The following CERS1 variants were observed in gnomAD, a reference collection of about 807,000 sequenced individuals.
CERS1 encodes the protein ceramide synthase 1, also known as Embryonic growth/differentiation factor 1.
Under a neutral mutation model 35.7 loss-of-function variants are expected in CERS1, and 16 were observed. The ratio of observed to expected loss-of-function variants is 0.45; its 90% CI spans 0.30 to 0.68. The LOEUF (loss-of-function observed/expected upper bound fraction) is 0.68, where lower values mean the gene tolerates loss of function less well. CERS1 is among the 30% of genes least tolerant of loss of function. The pLI is 0.08. For synonymous variants in CERS1, 243 were observed against 201.6 expected, an observed-to-expected ratio of 1.21 and a Z score of -1.74; for missense variants, 454 against 453.9, an observed-to-expected ratio of 1.00 and a Z score of 0.00.
chr19:18,877,063 CTGTT>C (rs1249556468), intron 6 of CERS1, among the ~76,000 whole-genome samples: 2 of 152,232 alleles, frequency 1.3e-5, no homozygotes, highest in Non-Finnish European at 1.5e-5. Context: ...TCGTCCCATC[CTGTT>C]TTATACCCAA....
In CERS1 at chr19:18,878,124, G is replaced by A. The variant is rs183051735; in HGVS notation, c.1010+806C>T. 4 of 985,442 alleles carry A rather than the reference G, an allele frequency of 4.1e-6. No individual in the cohort carries two copies. Among genetic ancestry groups the A allele is most frequent in the Non-Finnish European group, 1.2e-6 (1 of 829,992 alleles). The allele number at this position is 985,442 out of a possible 1,614,324, so 61.0% of individuals were successfully genotyped here. A position where few individuals can be genotyped will look rare whatever the true frequency, so the allele number is the denominator to read the frequency against. On this transcript the variant is annotated intron_variant, in intron 6 of 7. Transcript: ENST00000623882. This position sits in a 1 kb window ranked among gnomAD's most constrained non-coding sequence, Gnocchi z 4.6. ...CTGAAACCATCGTTCCCACGTCACC[G>A]ATGGCCCCCACCGGCCAAATCAGAG...
At chr19:18,890,242 C>T (rs1433444635) in intron 2 of CERS1, among the ~76,000 whole-genome samples, 3 of 152,220 alleles carry the variant, frequency 2.0e-5, no homozygotes, top group Non-Finnish European at 4.4e-5. Flanking sequence ...CTAAAAACTG[C>T]CCCTCCCCAC....
At chr19:18,869,945 C>A (rs1442090666) in intron 7 of CERS1, 38 bp downstream of exon 7, 2 of 1,546,978 alleles carry the variant, frequency 1.3e-6, no homozygotes, top group Non-Finnish European at 1.7e-6. Flanking sequence ...CGAGGTCTGG[C>A]CTCCAGGACC....
chr19:18,869,487 C>T (rs1393460851), intron 7 of CERS1, 97 bp from the exon 8 acceptor site: 14 of 1,224,178 alleles, frequency 1.1e-5, no homozygotes, highest in South Asian at 2.8e-5. Flanking sequence ...CGCTGGGGCT[C>T]GGGGCGCACC....
At chr19:18,887,960 A>G (rs1003623900) in intron 2 of CERS1, among the ~76,000 whole-genome samples, 17 of 151,708 alleles carry the variant, frequency 1.1e-4, no homozygotes, top group Admixed American at 5.3e-4. Context: ...TTCTGTCTCT[A>G]TGAGTGGGAT....
At chr19:18,893,672 G>A (rs975093904) in intron 1 of CERS1, 97 bp from the exon 2 acceptor site, 17 of 1,258,238 alleles carry the variant, frequency 1.4e-5, no homozygotes, top group African/African-American at 7.4e-5. Context: ...TCCCCAGGCC[G>A]GGCAGCACTG....
chr19:18,888,346 G>A (rs570723135), intron 2 of CERS1, among the ~76,000 whole-genome samples: 362 of 151,288 alleles, frequency 2.4e-3, no homozygotes, highest in African/African-American at 8.2e-3. Flanking sequence ...GTGACAGAGC[G>A]AGACTCCATC....
chr19:18,893,606 T>C, intron 1 of CERS1, 31 bp from the exon 2 acceptor site: 13 of 1,587,216 alleles, frequency 8.2e-6, no homozygotes, highest in Non-Finnish European at 1.1e-5. Flanking sequence ...GGGCAGCCAT[T>C]GGTGCTGGGG....
chr19:18,894,127 G>A (rs1463230198), intron 1 of CERS1, among the ~76,000 whole-genome samples: 1 of 151,808 alleles, frequency 6.6e-6, no homozygotes, highest in Non-Finnish European at 1.5e-5. Flanking sequence ...GGGAGGAGGG[G>A]CTGGAGGCAG....
At chr19:18,875,234 TAAA>T (rs869211539) in intron 6 of CERS1, among the ~76,000 whole-genome samples, 10 of 122,222 alleles carry the variant, frequency 8.2e-5, no homozygotes, top group Non-Finnish European at 1.0e-4. Flanking sequence ...GGACCGTCTC[TAAA>T]AAAAAAAAAA....
At chr19:18,877,151 G>A (rs1601158334) in intron 6 of CERS1, among the ~76,000 whole-genome samples, 2 of 152,222 alleles carry the variant, frequency 1.3e-5, no homozygotes, top group Admixed American at 6.5e-5. Flanking sequence ...ATCACAGGGT[G>A]TTCCCTGATA....
rs1447213638 is a variant in CERS1 at position 18,895,830 on chromosome 19, G to A, written c.243C>T (p.Leu81=). 2 of 1,286,632 alleles carry A rather than the reference G, an allele frequency of 1.6e-6. No individual in the cohort carries two copies. The highest frequency in any genetic ancestry group is 1.6e-5 in the African/African-American group (1 of 62,534). The allele number at this position is 1,286,632 out of a possible 1,614,324, so 79.7% of individuals were successfully genotyped here. A position where few individuals can be genotyped will look rare whatever the true frequency, so the allele number is the denominator to read the frequency against. Residue 81 remains leucine, a synonymous_variant, in exon 1 of 8, where the codon CTC becomes CTT. Coordinates refer to ENST00000623882, the MANE Select transcript of CERS1 (RefSeq NM_021267.5). The surrounding 1 kb of genome is among the most constrained non-coding windows in gnomAD (Gnocchi z 6.4). The stretch of plus-strand genomic sequence containing the variant: ...GGCCCCCGGCCACACTGACCCGAAA[G>A]AGGCGCGCAGTGGCCGCGGAGCGCA... ...TALRSAATAR[L]FRPLAKRCCL... is the part of the protein sequence containing the mutation.
At chr19:18,869,908 C>G in intron 7 of CERS1, 75 bp downstream of exon 7, 1 of 1,441,756 alleles carries the variant, frequency 6.9e-7, no homozygotes, top group Non-Finnish European at 9.5e-7. Context: ...CTCGGGCATC[C>G]CCGGGCCACT....
rs981081884 is a variant in CERS1 at position 18,878,222 on chromosome 19, G to A, written c.1010+708C>T. 169 of 985,384 alleles carry A rather than the reference G, an allele frequency of 1.7e-4. No homozygotes were observed. Among genetic ancestry groups the A allele is most frequent in the Non-Finnish European group, 1.3e-4 (107 of 830,150 alleles). The allele number at this position is 985,384 out of a possible 1,614,324, so 61.0% of individuals were successfully genotyped here. A position where few individuals can be genotyped will look rare whatever the true frequency, so the allele number is the denominator to read the frequency against. On this transcript the variant is annotated intron_variant, in intron 6 of 7. Coordinates refer to ENST00000623882, the MANE Select transcript of CERS1 (RefSeq NM_021267.5). This position sits in a 1 kb window ranked among gnomAD's most constrained non-coding sequence, Gnocchi z 4.6. Reference sequence around the variant, plus strand: ...CGGCTCCTGCTCAAACACTCCTCACGTTGCCTATGAGACACTGCACACCCG... The same window carrying A: ...CGGCTCCTGCTCAAACACTCCTCACATTGCCTATGAGACACTGCACACCCG...
At chr19:18,894,715 T>C (rs2056583179) in intron 1 of CERS1, among the ~76,000 whole-genome samples, 1 of 151,896 alleles carries the variant, frequency 6.6e-6, no homozygotes, top group Non-Finnish European at 1.5e-5. Context: ...CCTCCCACAG[T>C]AGGGGTGTGG....
At chr19:18,877,716 C>G (rs1206622132) in intron 6 of CERS1, among the ~76,000 whole-genome samples, 1 of 146,132 alleles carries the variant, frequency 6.8e-6, no homozygotes, top group Non-Finnish European at 1.5e-5. Context: ...GATCGTGCCA[C>G]TGCACACTCC....
At chr19:18,890,783 G>GGA (rs1555706591) in intron 2 of CERS1, among the ~76,000 whole-genome samples, 5 of 99,766 alleles carry the variant, frequency 5.0e-5, no homozygotes, top group East Asian at 3.3e-4. Context: ...CGCGTCTGGG[G>GGA]AAAAAAAAAA....
chr19:18,885,558 A>C (rs1424018868), intron 2 of CERS1, among the ~76,000 whole-genome samples: 1 of 124,276 alleles, frequency 8.0e-6, no homozygotes, highest in African/African-American at 3.2e-5. Context: ...CTTGCTCTGT[A>C]GCCCAGGCTG....
In CERS1 at chr19:18,885,956, C is replaced by T. The variant is rs577041849; in HGVS notation, c.410-1689G>A. Among the ~76,000 whole-genome samples the T allele has an allele frequency of 3.9e-5, 6 of 152,286 alleles. No individual in the cohort carries two copies. In the East Asian group the frequency reaches 1.2e-3, roughly 30 times the overall value. ...CCATGCCACCAAGCGCAGGGTCTCC[C>T]GCCAAGCGGGTCCTGCCTCACCTTC... On this transcript the variant is annotated intron_variant, in intron 2 of 7. Transcript: ENST00000623882.
Sources: allele counts gnomAD v4.1 joint callset (sites outside exome capture counted in the v4.1 genomes callset), GRCh38; gene constraint gnomAD v4.1.1; non-coding constraint Gnocchi (gnomAD v3.1); transcripts MANE v1.5; gene names NCBI Gene and HGNC (gene_info 2026-07-23, HGNC 2026-07-21).